WWC2: variants seen among roughly 807,000 people sequenced by gnomAD.
WWC2 encodes protein WWC2.
Under a neutral mutation model 138.5 loss-of-function variants are expected in WWC2, and 101 were observed. The ratio of observed to expected loss-of-function variants is 0.73; its 90% CI spans 0.62 to 0.86. The LOEUF (loss-of-function observed/expected upper bound fraction) is 0.86. WWC2 is among the 40% of genes least tolerant of loss of function. WWC2 has a pLI of 0.00. For synonymous variants in WWC2, 558 were observed against 538.4 expected, an observed-to-expected ratio of 1.04 and a Z score of -0.50; for missense variants, 1,420 against 1,419.4, an observed-to-expected ratio of 1.00 and a Z score of -0.01.
At chr4:183,296,327 G>T (rs984741184) in intron 21 of WWC2, among the ~76,000 whole-genome samples, 1 of 152,176 alleles carries the variant, frequency 6.6e-6, no homozygotes, top group Non-Finnish European at 1.5e-5. Flanking sequence ...AAAACTGGTC[G>T]CTTGGGCTCA....
At position 183,172,938 on chromosome 4, in the gene WWC2, A is replaced by G. The variant is rs957848154; in HGVS notation, c.132-20661A>G. On this transcript the variant is annotated intron_variant, in intron 1 of 22. Coordinates refer to ENST00000403733, the MANE Select transcript of WWC2 (RefSeq NM_024949.6). ...TTTAAACTTGATCTTTTAATTTGTCAATAGATGGTTTCTGCCATCATATTG... is the reference window on the plus strand; with the variant it reads ...TTTAAACTTGATCTTTTAATTTGTCGATAGATGGTTTCTGCCATCATATTG... 3.1e-4 allele frequency among the ~76,000 whole-genome samples: 47 copies of G among 152,084 alleles called. 1 individual carries two copies. Among genetic ancestry groups the G allele is most frequent in the African/African-American group, 1.1e-3 (46 of 41,392 alleles).
chr4:183,289,324 A>G, intron 20 of WWC2, 69 bp from the exon 21 acceptor site: 2 of 1,546,756 alleles, frequency 1.3e-6, no homozygotes, highest in Non-Finnish European at 1.7e-6. Context: ...TGCGCCAGGA[A>G]GGAGGGGAAG....
intron 1 of WWC2, among the ~76,000 whole-genome samples, chr4:183,186,705 T>C (rs1214037576): frequency 6.6e-6 from 1 of 151,626 alleles, no homozygotes; most frequent in Non-Finnish European, 1.5e-5. Flanking sequence ...ATGCGAGACA[T>C]GTAGAGAGGA....
intron 4 of WWC2, among the ~76,000 whole-genome samples, chr4:183,221,286 A>G (rs1735928721): frequency 6.6e-6 from 1 of 152,228 alleles, no homozygotes; most frequent in African/African-American, 2.4e-5. Flanking sequence ...CAGAGCTTCA[A>G]ATACCTGGAA....
At chr4:183,247,522 A>ATATATATAC (rs910262225) in intron 6 of WWC2, among the ~76,000 whole-genome samples, 1 of 138,944 alleles carries the variant, frequency 7.2e-6, no homozygotes, top group African/African-American at 2.9e-5. Flanking sequence ...ACACTATACT[A>ATATATATAC]TATATATACT....
chr4:183,304,780 C>T (rs1433075726), intron 21 of WWC2, among the ~76,000 whole-genome samples: 1 of 152,180 alleles, frequency 6.6e-6, no homozygotes, highest in Admixed American at 6.5e-5. Context: ...TTCTTTACCC[C>T]CATCTTACCA....
chr4:183,275,280 C>G (rs1179258565), intron 16 of WWC2, among the ~76,000 whole-genome samples: 1 of 151,930 alleles, frequency 6.6e-6, no homozygotes, highest in Non-Finnish European at 1.5e-5. Flanking sequence ...TTCTTCCTTT[C>G]CAGTCATATG....
intron 22 of WWC2, among the ~76,000 whole-genome samples, 168 bp from the exon 23 acceptor site, chr4:183,315,495 C>T (rs1739403498): frequency 6.6e-6 from 1 of 152,156 alleles, no homozygotes; most frequent in Admixed American, 6.5e-5. Context: ...CCCCTTTAAG[C>T]AGGCAGAGGC....
At chr4:183,213,577 G>T (rs1735669010) in intron 4 of WWC2, among the ~76,000 whole-genome samples, 1 of 152,162 alleles carries the variant, frequency 6.6e-6, no homozygotes, top group African/African-American at 2.4e-5. Context: ...GTATTTAGAA[G>T]CACCTGTCTA....
rs558391299 is a variant in WWC2 at position 183,134,022 on chromosome 4, T to G, written c.131+34400T>G. On this transcript the variant is annotated intron_variant, in intron 1 of 22. Transcript: ENST00000403733. ...TTTTCTATTTCTTCTTGATTCTGTTTTTTTCAGTTTCATTTTTTAAAGGAA... is the reference window on the plus strand; with the variant it reads ...TTTTCTATTTCTTCTTGATTCTGTTGTTTTCAGTTTCATTTTTTAAAGGAA... Among the ~76,000 whole-genome samples, 7 of 152,316 alleles carry G rather than the reference T, an allele frequency of 4.6e-5. No individual in the cohort carries two copies. In the East Asian group the frequency reaches 1.3e-3, roughly 29 times the overall value.
At chr4:183,157,290 T>C (rs1733832840) in intron 1 of WWC2, among the ~76,000 whole-genome samples, 1 of 152,236 alleles carries the variant, frequency 6.6e-6, no homozygotes, top group South Asian at 2.1e-4. Context: ...ATTCAGGTTA[T>C]GCATTTTTGG....
intron 1 of WWC2, among the ~76,000 whole-genome samples, chr4:183,139,261 A>G (rs1171120712): frequency 1.3e-5 from 2 of 152,274 alleles, no homozygotes; most frequent in South Asian, 2.1e-4. Context: ...GAGGACAGTC[A>G]CTTCCTTGGT....
At chr4:183,188,153 G>A (rs1580032677) in intron 1 of WWC2, among the ~76,000 whole-genome samples, 2 of 152,260 alleles carry the variant, frequency 1.3e-5, no homozygotes, top group East Asian at 3.9e-4. Flanking sequence ...AGGCTAGATT[G>A]GAGCCTCCAG....
chr4:183,179,275 A>G (rs1734554043), intron 1 of WWC2, among the ~76,000 whole-genome samples: 1 of 152,204 alleles, frequency 6.6e-6, no homozygotes, highest in African/African-American at 2.4e-5. Context: ...GCTGGTGGTC[A>G]AAGAGACTTA....
At chr4:183,248,148 G>A (rs1208358691) in intron 6 of WWC2, among the ~76,000 whole-genome samples, 1 of 152,116 alleles carries the variant, frequency 6.6e-6, no homozygotes, top group Admixed American at 6.5e-5. Context: ...GCAGTGCCAT[G>A]CAGTAGACAC....
At chr4:183,152,177 C>A (rs1733651707) in intron 1 of WWC2, among the ~76,000 whole-genome samples, 1 of 151,966 alleles carries the variant, frequency 6.6e-6, no homozygotes, top group Non-Finnish European at 1.5e-5. Context: ...TTAAGTTCTT[C>A]CTTTGGGTCT....
chr4:183,137,295 A>G (rs544856533), intron 1 of WWC2, among the ~76,000 whole-genome samples: 9 of 152,328 alleles, frequency 5.9e-5, no homozygotes, highest in Non-Finnish European at 7.4e-5. Flanking sequence ...TAACAGCCTA[A>G]AACACACACA....
chr4:183,286,340 TA>T (rs1254859074), intron 20 of WWC2, among the ~76,000 whole-genome samples: 2 of 152,122 alleles, frequency 1.3e-5, no homozygotes, highest in African/African-American at 4.8e-5. Flanking sequence ...CCTGCAGGGG[TA>T]TCAGACGATG....
chr4:183,274,076 T>C (rs1202527168), intron 16 of WWC2, among the ~76,000 whole-genome samples: 1 of 152,228 alleles, frequency 6.6e-6, no homozygotes, highest in African/African-American at 2.4e-5. Flanking sequence ...TGTTCATTAA[T>C]CCACATGTCT....
Sources: gnomAD v4.1 joint callset for allele counts (sites outside exome capture counted in the v4.1 genomes callset) on GRCh38, gnomAD v4.1.1 for gene constraint, MANE v1.5 for transcripts, NCBI Gene and HGNC (gene_info 2026-07-23, HGNC 2026-07-21) for gene names.